TANGO6: variants seen among roughly 807,000 people sequenced by gnomAD.
TANGO6 encodes transport and Golgi organization protein 6 homolog.
TANGO6 carries 90 observed loss-of-function variants against 114.2 expected under a neutral mutation model. The observed-to-expected ratio is 0.79, with a 90% CI of 0.66 to 0.94. The LOEUF (loss-of-function observed/expected upper bound fraction) is 0.94. Among genes scored for constraint, TANGO6 ranks in the 40% least tolerant of loss-of-function variants. The pLI is 0.00. For missense variants in TANGO6, 1,274 were observed against 1,315.3 expected (o/e 0.97, Z 0.49); for synonymous variants, 477 against 509.8 (o/e 0.94, Z 0.87).
intron 17 of TANGO6, among the ~76,000 whole-genome samples, chr16:69,073,960 TA>T (rs145298162): frequency 0.062 from 8,207 of 131,486 alleles, 274 homozygotes; most frequent in Admixed American, 0.09. Flanking sequence ...GACTCCATCT[TA>T]AAAAAAAAAA....
intron 2 of TANGO6, among the ~76,000 whole-genome samples, chr16:68,860,889 G>C (rs1431655344): frequency 3.3e-5 from 5 of 152,198 alleles, no homozygotes; most frequent in Non-Finnish European, 7.3e-5. Context: ...CCAATCTCTA[G>C]TAGTGATAAT....
At chr16:69,006,905 A>G (rs970521568) in intron 15 of TANGO6, 1 of 152,248 alleles carries the variant, frequency 6.6e-6, no homozygotes, top group African/African-American at 2.4e-5. Flanking sequence ...TCATCACCCC[A>G]AAAGCAACCT....
intron 1 of TANGO6, among the ~76,000 whole-genome samples, chr16:68,855,009 CTT>C (rs111359815): frequency 6.9e-6 from 1 of 145,016 alleles, no homozygotes. Context: ...CATCTTTTTT[CTT>C]TTTTTTTTTC....
intron 4 of TANGO6, among the ~76,000 whole-genome samples, chr16:68,872,001 G>A (rs76061396): frequency 0.013 from 1,938 of 152,108 alleles, 38 homozygotes; most frequent in African/African-American, 0.042. Flanking sequence ...GGAGGCCAAC[G>A]TGGGCGGATC....
intron 11 of TANGO6, 38 bp downstream of exon 11, chr16:68,909,440 T>G (rs1217094858): frequency 1.4e-6 from 2 of 1,439,178 alleles, no homozygotes; most frequent in African/African-American, 2.9e-5. Context: ...AGCCTTTTTT[T>G]CTTTCCAAAA....
intron 4 of TANGO6, among the ~76,000 whole-genome samples, chr16:68,874,466 G>A (rs1317064482): frequency 1.3e-5 from 2 of 152,152 alleles, no homozygotes; most frequent in Non-Finnish European, 2.9e-5. Context: ...GCTTAAGACG[G>A]TAAAGTAATT....
chr16:69,021,972 G>A (rs548359640), intron 15 of TANGO6, among the ~76,000 whole-genome samples: 22 of 147,308 alleles, frequency 1.5e-4, no homozygotes, highest in African/African-American at 4.5e-4. Context: ...TGCAAGCTCC[G>A]CCTCCCGGGT....
At chr16:68,919,256 A>G (rs1281656596) in intron 12 of TANGO6, 37 bp downstream of exon 12, 4 of 1,603,650 alleles carry the variant, frequency 2.5e-6, no homozygotes, top group African/African-American at 2.7e-5. Flanking sequence ...GAATGGAGGG[A>G]AGGGAGAAGC....
At chr16:68,900,179 G>T in intron 7 of TANGO6, 1 of 391,366 alleles carries the variant, frequency 2.6e-6, no homozygotes, top group Non-Finnish European at 4.5e-6. Context: ...AAGCGGGGTA[G>T]TTGACCTATT....
In TANGO6 at chr16:69,083,553, C is replaced by T. The variant is rs374965532; in HGVS notation, c.3177C>T (p.Asp1059=). Residue 1059 remains aspartate (D), a synonymous_variant, in exon 18 of 18, where the codon GAC becomes GAT. Coordinates refer to ENST00000261778, the MANE Select transcript of TANGO6 (RefSeq NM_024562.2). ...ACGTAGTGTGTCTGGAGCCCGATGA[C>T]GTGGCCAAGCTCCATGCCCAGTTGG... ...LKHVVCLEPD[D]VAKLHAQLAL... is the part of the protein sequence containing the mutation. The T allele has an allele frequency of 4.7e-5, 75 of 1,611,198 alleles. No individual in the cohort carries two copies. Among genetic ancestry groups the T allele is most frequent in the Non-Finnish European group, 5.8e-5 (68 of 1,178,824 alleles).
intron 7 of TANGO6, among the ~76,000 whole-genome samples, chr16:68,894,221 T>G (rs1374968654): frequency 6.6e-6 from 1 of 152,168 alleles, no homozygotes; most frequent in Non-Finnish European, 1.5e-5. Flanking sequence ...GTTACCAAAC[T>G]CCAAATATAA....
At chr16:69,032,189 C>T (rs556269267) in intron 16 of TANGO6, among the ~76,000 whole-genome samples, 1 of 152,216 alleles carries the variant, frequency 6.6e-6, no homozygotes, top group South Asian at 2.1e-4. Context: ...CTTTGGCTTT[C>T]CCTGTGAATG....
intron 15 of TANGO6, among the ~76,000 whole-genome samples, chr16:68,974,412 A>C (rs1963740623): frequency 6.6e-6 from 1 of 152,202 alleles, no homozygotes; most frequent in South Asian, 2.1e-4. Flanking sequence ...CTGTAATCCC[A>C]GCACTTTGGG....
At chr16:68,972,964 G>A in intron 14 of TANGO6, 2 of 317,414 alleles carry the variant, frequency 6.3e-6, no homozygotes, top group Non-Finnish European at 1.2e-5. Flanking sequence ...ATAGCAAGGA[G>A]GCCAGGAAGC....
intron 15 of TANGO6, among the ~76,000 whole-genome samples, chr16:68,974,452 A>C (rs766818017): frequency 2.0e-5 from 3 of 152,116 alleles, no homozygotes; most frequent in Admixed American, 6.6e-5. Flanking sequence ...ACCTGAGGTC[A>C]GGAGTTCAAG....
chr16:68,929,570 G>A (rs1340454595), intron 13 of TANGO6, among the ~76,000 whole-genome samples: 2 of 152,168 alleles, frequency 1.3e-5, no homozygotes, highest in Non-Finnish European at 2.9e-5. Flanking sequence ...TATATATGGA[G>A]CAGACACTTC....
intron 17 of TANGO6, among the ~76,000 whole-genome samples, chr16:69,050,016 T>G (rs185243336): frequency 2.0e-4 from 31 of 152,354 alleles, no homozygotes; most frequent in Non-Finnish European, 3.8e-4. Context: ...TTTTGGCTAT[T>G]TTAAACAATG....
At chr16:68,964,338 G>A (rs1167146886) in intron 14 of TANGO6, among the ~76,000 whole-genome samples, 1 of 151,704 alleles carries the variant, frequency 6.6e-6, no homozygotes, top group East Asian at 1.9e-4. Context: ...TACAAAAATA[G>A]AAAGTCTCTC....
intron 17 of TANGO6, among the ~76,000 whole-genome samples, chr16:69,050,036 A>T (rs1389427794): frequency 6.6e-6 from 1 of 152,220 alleles, no homozygotes; most frequent in Non-Finnish European, 1.5e-5. Context: ...GCTGCTATGA[A>T]CATTTGTGTA....
Sources: allele counts gnomAD v4.1 joint callset (sites outside exome capture counted in the v4.1 genomes callset), GRCh38; gene constraint gnomAD v4.1.1; transcripts MANE v1.5; gene names NCBI Gene and HGNC (gene_info 2026-07-23, HGNC 2026-07-21).